The following NOSTRIN variants were observed in gnomAD, a reference collection of about 807,000 sequenced individuals.
The protein encoded by NOSTRIN is nitric oxide synthase trafficking.
NOSTRIN carries 63 observed loss-of-function variants against 59.0 expected under a neutral mutation model. That is an observed-to-expected ratio of 1.07 (90% CI 0.87 to 1.32). The LOEUF (loss-of-function observed/expected upper bound fraction) is 1.32, where lower values mean the gene tolerates loss of function less well. NOSTRIN is among the 40% of genes most tolerant of loss of function. The pLI, the probability that NOSTRIN is intolerant of heterozygous loss-of-function variation, is 0.00. For missense variants in NOSTRIN, 512 were observed against 473.1 expected, an observed-to-expected ratio of 1.08 and a Z score of -0.76; for synonymous variants, 200 against 165.4, an observed-to-expected ratio of 1.21 and a Z score of -1.61.
intron 8 of NOSTRIN, among the ~76,000 whole-genome samples, chr2:168,846,207 G>A (rs1248951653): frequency 6.6e-6 from 1 of 152,128 alleles, no homozygotes; most frequent in Non-Finnish European, 1.5e-5. Flanking sequence ...TCAAATGTTA[G>A]ATTCATGAAG....
chr2:168,807,217 C>T (rs558865719), intron 1 of NOSTRIN, among the ~76,000 whole-genome samples: 3 of 152,098 alleles, frequency 2.0e-5, no homozygotes, highest in Non-Finnish European at 4.4e-5. Context: ...TGATTTCACC[C>T]CCACAAAGCA....
chr2:168,856,790 C>T lies in NOSTRIN; in HGVS notation c.1053+12C>T, dbSNP rs1689151844. On this transcript the variant is annotated intron_variant, in intron 12 of 15. Transcript: ENST00000317647. ...CGTTAATGGATGAGGTAAATGTTTG[C>T]CGAGTGCATTTCCTAGATGTAGTGA... is the stretch of plus-strand genomic sequence containing the variant. The T allele has an allele frequency of 3.7e-6, 6 of 1,610,458 alleles. No individual in the cohort carries two copies. The African/African-American group carries it at 4.0e-5, about 11-fold the overall frequency.
At chr2:168,794,200 G>GATGAATACACATGA (rs1300454073), upstream of NOSTRIN, among the ~76,000 whole-genome samples, 4 of 152,184 alleles carry the variant, frequency 2.6e-5, no homozygotes, top group African/African-American at 9.7e-5. Context: ...TGAGTGAATG[G>GATGAATACACATGA]ATGAATACAC....
intron 14 of NOSTRIN, among the ~76,000 whole-genome samples, chr2:168,861,420 C>A (rs891301343): frequency 4.6e-5 from 7 of 151,930 alleles, no homozygotes; most frequent in African/African-American, 1.7e-4. Context: ...TGTCACTGTA[C>A]CTGCATGTTC....
upstream of NOSTRIN, among the ~76,000 whole-genome samples, chr2:168,800,915 A>AAAAG (rs1685594192): frequency 6.7e-6 from 1 of 149,818 alleles, no homozygotes; most frequent in Non-Finnish European, 1.5e-5. Flanking sequence ...TCTTTTAAAA[A>AAAAG]AAAAACAAAA....
chr2:168,820,485 G>A (rs1686669713), intron 2 of NOSTRIN, among the ~76,000 whole-genome samples: 1 of 152,116 alleles, frequency 6.6e-6, no homozygotes, highest in African/African-American at 2.4e-5. Context: ...CCTTTGTCAG[G>A]AGACCACTGT....
Position 168,812,887 on chromosome 2 carries a change from C to G in NOSTRIN, c.113+1235C>G, listed in dbSNP as rs867071844. Among the ~76,000 whole-genome samples, 9 of 152,170 alleles carry G rather than the reference C, an allele frequency of 5.9e-5. No individual in the cohort carries two copies. In the South Asian group the frequency reaches 1.9e-3, roughly 32 times the overall value. On this transcript the variant is annotated intron_variant, in intron 2 of 15. Transcript: ENST00000317647. ...GGAATGTTTTGGCTTCCTTCAAGGT[C>G]AAGACAAAAGGAAAACATTAGCTTT...
At chr2:168,793,651 C>T (rs72881776), upstream of NOSTRIN, among the ~76,000 whole-genome samples, 7,778 of 152,056 alleles carry the variant, frequency 0.051, 272 homozygotes, top group Middle Eastern at 0.082. Flanking sequence ...CACAAATATG[C>T]GTAAGTTCCT....
chr2:168,863,887 A>G, intron 15 of NOSTRIN, among the ~76,000 whole-genome samples: 1 of 152,232 alleles, frequency 6.6e-6, no homozygotes, highest in Non-Finnish European at 1.5e-5. Context: ...AGGCAGCATA[A>G]GGATATATGA....
At position 168,832,091 on chromosome 2, in the gene NOSTRIN, AT is replaced by A. The variant is rs1687395817; in HGVS notation, c.405+558del. 2.0e-5 allele frequency among the ~76,000 whole-genome samples: 3 copies of A among 152,300 alleles called. No individual in the cohort carries two copies. The East Asian group carries it at 5.8e-4, about 29-fold the overall frequency. The stretch of plus-strand genomic sequence containing the variant: ...GGCCCAGTGAGGGGTGGGTAGTGAT[AT>A]GTAAAAGGGGATGCGTATATCAATT... On this transcript the variant is annotated intron_variant, in intron 6 of 15. Coordinates refer to ENST00000317647, the MANE Select transcript of NOSTRIN (RefSeq NM_001039724.4).
chr2:168,858,702 G>C (rs1689263935), intron 12 of NOSTRIN, among the ~76,000 whole-genome samples: 1 of 152,196 alleles, frequency 6.6e-6, no homozygotes, highest in African/African-American at 2.4e-5. Flanking sequence ...AACGATTAGA[G>C]ACTTTCTCCA....
chr2:168,810,774 C>G (rs1686086941), intron 1 of NOSTRIN, among the ~76,000 whole-genome samples: 2 of 152,172 alleles, frequency 1.3e-5, no homozygotes, highest in African/African-American at 4.8e-5. Context: ...ATTCCATCAT[C>G]TAATTCACTT....
intron 8 of NOSTRIN, 76 bp downstream of exon 8, chr2:168,843,193 T>C: frequency 1.3e-6 from 1 of 787,426 alleles, no homozygotes; most frequent in East Asian, 2.5e-5. Context: ...CAGATTACAG[T>C]GACAAGACCT....
At chr2:168,817,412 G>C (rs1686471715) in intron 2 of NOSTRIN, among the ~76,000 whole-genome samples, 1 of 152,230 alleles carries the variant, frequency 6.6e-6, no homozygotes, top group Non-Finnish European at 1.5e-5. Flanking sequence ...GTGAGGAGGA[G>C]GTTAAGTGGG....
At chr2:168,859,731 T>A in intron 13 of NOSTRIN, 94 bp downstream of exon 13, 1 of 1,445,170 alleles carries the variant, frequency 6.9e-7, no homozygotes, top group Non-Finnish European at 9.3e-7. Context: ...TGTTAGGAAT[T>A]CTATGTGATA....
intron 7 of NOSTRIN, among the ~76,000 whole-genome samples, 182 bp downstream of exon 7, chr2:168,834,507 G>GCGCGCGCGCACACACACACACACA (rs756381301): frequency 2.2e-4 from 27 of 125,422 alleles, no homozygotes; most frequent in Admixed American, 9.9e-4. Flanking sequence ...GCGCGCGCGC[G>GCGCGCGCGCACACACACACACACA]CACACACACA....
chr2:168,807,737 GC>G (rs762358991), intron 1 of NOSTRIN, among the ~76,000 whole-genome samples: 3 of 152,192 alleles, frequency 2.0e-5, no homozygotes, highest in Non-Finnish European at 2.9e-5. Flanking sequence ...GAGGTACGAG[GC>G]AAAGCCATGG....
chr2:168,819,933 C>T (rs955036526), intron 2 of NOSTRIN, among the ~76,000 whole-genome samples: 2 of 152,310 alleles, frequency 1.3e-5, no homozygotes, highest in East Asian at 3.9e-4. Flanking sequence ...TGCCTTGCAA[C>T]TGCACAGATG....
chr2:168,850,978 T>C (rs1272882891), intron 8 of NOSTRIN, 106 bp from the exon 9 acceptor site: 2 of 855,242 alleles, frequency 2.3e-6, no homozygotes, highest in East Asian at 2.5e-5. Context: ...AAGAGGCTAA[T>C]CATGAGACTT....
Sources: gnomAD v4.1 joint callset for allele counts (sites outside exome capture counted in the v4.1 genomes callset) on GRCh38, gnomAD v4.1.1 for gene constraint, MANE v1.5 for transcripts, NCBI Gene and HGNC (gene_info 2026-07-23, HGNC 2026-07-21) for gene names.